CLDN6: variants seen among roughly 807,000 people sequenced by gnomAD.
CLDN6 encodes the protein claudin-6.
For synonymous variants in CLDN6, 144 were observed against 131.2 expected, an observed-to-expected ratio of 1.10 and a Z score of -0.67; for missense variants, 279 against 284.1, an observed-to-expected ratio of 0.98 and a Z score of 0.13.
intron 1 of CLDN6, among the ~76,000 whole-genome samples, chr16:3,017,605 G>C (rs886935339): frequency 6.6e-6 from 1 of 152,088 alleles, no homozygotes; most frequent in South Asian, 2.1e-4. Context: ...GGGGAGACTG[G>C]CTGGGGCACG....
Position 3,016,426 on chromosome 16 carries a change from G to A in CLDN6, c.-21-384C>T, listed in dbSNP as rs576018143. ...ACGGTGCGATTTCCAAGCAGTTTCC[G>A]TGTAGAATGGTTCAATTCTAGCCCT... On this transcript the variant is annotated intron_variant, in intron 1 of 1. Coordinates refer to ENST00000328796, the MANE Select transcript of CLDN6 (RefSeq NM_021195.5). Among the ~76,000 whole-genome samples, 9 of 152,330 alleles carry A rather than the reference G, an allele frequency of 5.9e-5. No homozygotes were observed. The South Asian group carries it at 1.0e-3, about 18-fold the overall frequency.
Position 3,015,442 on chromosome 16 carries a change from T to C in CLDN6, c.580A>G (p.Ser194Gly), listed in dbSNP as rs1312912420. ...GTTGAGTAGCGGGCCATGTAATGGC[T>C]GGGGCCCTGGGACCCCCCCGAGGGG... is the stretch of plus-strand genomic sequence containing the variant. ...TCPSGGSQGP[S>G]HYMARYSTSA... is the part of the protein sequence containing the mutation. The change falls in exon 2 of 2, where the codon AGC becomes GGC. Residue 194 changes from serine to glycine, a missense_variant. By Grantham distance (56) the Ser-to-Gly change is moderately conservative. Transcript: ENST00000328796. 1 of 1,566,630 alleles carries C rather than the reference T, an allele frequency of 6.4e-7. No homozygotes were observed. The highest frequency in any genetic ancestry group is 2.3e-5 in the East Asian group (1 of 44,356).
At chr16:3,016,501 CGA>C (rs1261394131) in intron 1 of CLDN6, among the ~76,000 whole-genome samples, 1 of 152,162 alleles carries the variant, frequency 6.6e-6, no homozygotes, top group Non-Finnish European at 1.5e-5. Context: ...TTGTTTGAGA[CGA>C]GGAGTCTCGC....
Position 3,015,073 on chromosome 16 carries a change from C to A in CLDN6, c.*286G>T, listed in dbSNP as rs1467151339. 2.3e-6 allele frequency: 1 copy of A among 434,936 alleles called. No individual in the cohort carries two copies. Among genetic ancestry groups the A allele is most frequent in the Non-Finnish European group, 4.0e-6 (1 of 247,622 alleles). The allele number at this position is 434,936 out of a possible 1,614,324, so 26.9% of individuals were successfully genotyped here. ...CAAAGCCAGCACAGCAAGCAGCCTC[C>A]GCATTAGTTCCATAGCTTGACTGGC... is the stretch of plus-strand genomic sequence containing the variant. On this transcript the variant is annotated 3_prime_UTR_variant, in exon 2 of 2. Coordinates refer to ENST00000328796, the MANE Select transcript of CLDN6 (RefSeq NM_021195.5).
chr16:3,015,625 G>A lies in CLDN6; in HGVS notation c.397C>T (p.Leu133=). 1.2e-6 allele frequency: 2 copies of A among 1,613,342 alleles called. No individual in the cohort carries two copies. Among genetic ancestry groups the A allele is most frequent in the Admixed American group, 1.7e-5 (1 of 60,030 alleles). The change falls in exon 2 of 2, where the codon CTA becomes TTA. Residue 133 remains leucine, a synonymous_variant. Coordinates refer to ENST00000328796, the MANE Select transcript of CLDN6 (RefSeq NM_021195.5). ...TGCGCCGTCCAGCACACGGGGATTA[G>A]CGTCAGGACCCCTGAGATGACAAAG... ...IVFVISGVLT[L]IPVCWTAHAI... is the part of the protein sequence containing the mutation.
At chr16:3,016,139 T>C in intron 1 of CLDN6, 97 bp from the exon 2 acceptor site, 1 of 1,134,904 alleles carries the variant, frequency 8.8e-7, no homozygotes, top group South Asian at 1.6e-5. Flanking sequence ...CCCTGGAAAG[T>C]GGTCATCACA....
Position 3,015,443 on chromosome 16 carries a change from G to A in CLDN6, c.579C>T (p.Pro193=). 1 of 1,568,486 alleles carries A rather than the reference G, an allele frequency of 6.4e-7. No homozygotes were observed. The highest frequency in any genetic ancestry group is 8.6e-7 in the Non-Finnish European group (1 of 1,158,060). Residue 193 remains proline (P), a synonymous_variant, in exon 2 of 2, where the codon CCC becomes CCT. Coordinates refer to ENST00000328796, the MANE Select transcript of CLDN6 (RefSeq NM_021195.5). ...CTCPSGGSQG[P]SHYMARYSTS... The stretch of plus-strand genomic sequence containing the variant: ...TTGAGTAGCGGGCCATGTAATGGCT[G>A]GGGCCCTGGGACCCCCCCGAGGGGC...
intron 1 of CLDN6, among the ~76,000 whole-genome samples, chr16:3,016,875 C>G (rs970128327): frequency 2.0e-5 from 3 of 152,142 alleles, no homozygotes; most frequent in Admixed American, 2.0e-4. Context: ...GTCTCGATCT[C>G]CTGACTTCGT....
rs533045348 is a variant in CLDN6, at chr16:3,018,139, C to A, written c.-22+10G>T. On this transcript the variant is annotated intron_variant, in intron 1 of 1. Transcript: ENST00000328796. ...CGTCTCTCCAACACGCACACTAGCCCCGGACTCACCTGCGAAGGAGATAAG... is the reference window on the plus strand; with the variant it reads ...CGTCTCTCCAACACGCACACTAGCCACGGACTCACCTGCGAAGGAGATAAG... 1 of 152,414 alleles carries A rather than the reference C, an allele frequency of 6.6e-6. No individual in the cohort carries two copies. The highest frequency in any genetic ancestry group is 2.1e-4 in the South Asian group (1 of 4,832). The allele number at this position is 152,414 out of a possible 1,614,324, so 9.4% of individuals were successfully genotyped here.
intron 1 of CLDN6, among the ~76,000 whole-genome samples, 166 bp downstream of exon 1, chr16:3,017,983 C>A (rs561623654): frequency 6.6e-6 from 1 of 151,904 alleles, no homozygotes; most frequent in South Asian, 2.1e-4. Flanking sequence ...CCCCGAAGGA[C>A]CCTATCACCT....
At position 3,015,807 on chromosome 16, in the gene CLDN6, G is replaced by A. The variant is rs749694613; in HGVS notation, c.215C>T (p.Ala72Val). 4.8e-5 allele frequency: 78 copies of A among 1,613,946 alleles called. No homozygotes were observed. Among genetic ancestry groups the A allele is most frequent in the South Asian group, 1.1e-4 (10 of 91,088 alleles). ...MQCKVYDSLL[A>V]LPQDLQAARA... Reference sequence around the variant, plus strand: ...TGCAGCCTGCAGGTCCTGTGGCAGCGCCAGCAGTGAGTCGTACACCTTGCA... The same window carrying A: ...TGCAGCCTGCAGGTCCTGTGGCAGCACCAGCAGTGAGTCGTACACCTTGCA... The change falls in exon 2 of 2, where the codon GCG becomes GTG. Residue 72 changes from alanine to valine, a missense_variant. Coordinates refer to ENST00000328796, the MANE Select transcript of CLDN6 (RefSeq NM_021195.5).
Position 3,015,014 on chromosome 16 carries a change from C to A in CLDN6, c.*345G>T. 1 of 411,324 alleles carries A rather than the reference C, an allele frequency of 2.4e-6. No homozygotes were observed. Among genetic ancestry groups the A allele is most frequent in the Non-Finnish European group, 4.3e-6 (1 of 233,846 alleles). 25.5% of individuals were successfully genotyped at this position (411,324 alleles called of 1,614,324 possible). A position where few individuals can be genotyped will look rare whatever the true frequency, so the allele number is the denominator to read the frequency against. On this transcript the variant is annotated 3_prime_UTR_variant, in exon 2 of 2. Transcript: ENST00000328796. ...TCTAGGGAAGCCCAGCCCCCAGCAG[C>A]AGCAGGAACTCTTGGGGACAGTCTG...
In CLDN6 at chr16:3,015,111, C is replaced by T; in HGVS notation, c.*248G>A. 2.2e-6 allele frequency: 1 copy of T among 450,566 alleles called. No individual in the cohort carries two copies. Among genetic ancestry groups the T allele is most frequent in the Non-Finnish European group, 3.9e-6 (1 of 256,906 alleles). The allele number at this position is 450,566 out of a possible 1,614,324, so 27.9% of individuals were successfully genotyped here. ...TAGCTTGACTGGCTTCTAAGATGGG[C>T]ATGTCAAGATCCAGAATCTCAAAGC... is the stretch of plus-strand genomic sequence containing the variant. On this transcript the variant is annotated 3_prime_UTR_variant, in exon 2 of 2. Transcript: ENST00000328796.
chr16:3,017,857 A>G (rs1168834503), intron 1 of CLDN6, among the ~76,000 whole-genome samples: 2 of 103,662 alleles, frequency 1.9e-5, no homozygotes, highest in African/African-American at 3.8e-5. Flanking sequence ...CCCCCAGGTG[A>G]GGGGGAGGGG....
Position 3,015,937 on chromosome 16 carries a change from T to G in CLDN6, c.85A>C (p.Met29Leu), listed in dbSNP as rs141047348. The G allele has an allele frequency of 1.1e-4, 170 of 1,614,080 alleles. No homozygotes were observed. Among genetic ancestry groups the G allele is most frequent in the Non-Finnish European group, 8.6e-5 (102 of 1,180,048 alleles). ...VNGLVSCALP[M>L]WKVTAFIGNS... is the part of the protein sequence containing the mutation. ...CCGATGAAAGCGGTCACCTTCCACATGGGCAGGGCACAGGAGACCAGGCCA... is the reference window on the plus strand; with the variant it reads ...CCGATGAAAGCGGTCACCTTCCACAGGGGCAGGGCACAGGAGACCAGGCCA... Residue 29 changes from methionine (M) to leucine (L), a missense_variant, in exon 2 of 2, where the codon ATG (methionine) becomes CTG (leucine). Coordinates refer to ENST00000328796, the MANE Select transcript of CLDN6 (RefSeq NM_021195.5).
In CLDN6 at chr16:3,015,653, A is replaced by G. The variant is rs2072561493; in HGVS notation, c.369T>C (p.Ile123=). ...SKARLVLTSG[I]VFVISGVLTL... ...TCAGGACCCCTGAGATGACAAAGAC[A>G]ATCCCAGAGGTGAGCACCAGGCGGG... The change falls in exon 2 of 2, where the codon ATT becomes ATC. Residue 123 remains isoleucine, a synonymous_variant. Transcript: ENST00000328796. The G allele has an allele frequency of 6.2e-7, 1 of 1,613,376 alleles. No individual in the cohort carries two copies. Among genetic ancestry groups the G allele is most frequent in the Non-Finnish European group, 8.5e-7 (1 of 1,180,030 alleles).
intron 1 of CLDN6, 29 bp from the exon 2 acceptor site, chr16:3,016,071 T>C: frequency 1.9e-6 from 3 of 1,574,160 alleles, no homozygotes; most frequent in Non-Finnish European, 2.6e-6. Context: ...CACAACAAGG[T>C]GAGGCCTGGC....
Position 3,014,915 on chromosome 16 carries a change from T to G in CLDN6, c.*444A>C. On this transcript the variant is annotated 3_prime_UTR_variant, in exon 2 of 2. Coordinates refer to ENST00000328796, the MANE Select transcript of CLDN6 (RefSeq NM_021195.5). ...AGGTGGGCAGTCCTTTGTTAACAGATCATTTGTTTTTCCAGGGGTGAAGAG... is the reference window on the plus strand; with the variant it reads ...AGGTGGGCAGTCCTTTGTTAACAGAGCATTTGTTTTTCCAGGGGTGAAGAG... 1 of 391,798 alleles carries G rather than the reference T, an allele frequency of 2.6e-6. No individual in the cohort carries two copies. Among genetic ancestry groups the G allele is most frequent in the Non-Finnish European group, 4.5e-6 (1 of 222,806 alleles). 24.3% of individuals were successfully genotyped at this position (391,798 alleles called of 1,614,324 possible). A position where few individuals can be genotyped will look rare whatever the true frequency, so the allele number is the denominator to read the frequency against.
In CLDN6 at chr16:3,015,845, G is replaced by A. The variant is rs765057363; in HGVS notation, c.177C>T (p.Thr59=). The change falls in exon 2 of 2, where the codon ACC becomes ACT. Residue 59 remains threonine, a synonymous_variant. Transcript: ENST00000328796. ...CGTACACCTTGCACTGCATCTGGCC[G>A]GTGCTCTGCACCACGCAGGACATCC... The part of the protein sequence containing the change: ...GLWMSCVVQS[T]GQMQCKVYDS... 5.6e-6 allele frequency: 9 copies of A among 1,614,090 alleles called. No homozygotes were observed. Among genetic ancestry groups the A allele is most frequent in the Middle Eastern group, 1.6e-4 (1 of 6,064 alleles).
Sources: gnomAD v4.1 joint callset for allele counts (sites outside exome capture counted in the v4.1 genomes callset) on GRCh38, gnomAD v4.1.1 for gene constraint, MANE v1.5 for transcripts, NCBI Gene and HGNC (gene_info 2026-07-23, HGNC 2026-07-21) for gene names.